The following APLF variants were observed in gnomAD, a reference collection of about 807,000 sequenced individuals.
The protein encoded by APLF is aprataxin and PNK-like factor.
Under a neutral mutation model 55.6 loss-of-function variants are expected in APLF, and 61 were observed. The observed-to-expected ratio is 1.10, with a 90% CI of 0.89 to 1.36. The LOEUF (loss-of-function observed/expected upper bound fraction) is 1.36, where lower values mean the gene tolerates loss of function less well. APLF is among the 40% of genes most tolerant of loss of function. The pLI is 0.00. For missense variants in APLF, 611 were observed against 602.5 expected, an observed-to-expected ratio of 1.01 and a Z score of -0.15; for synonymous variants, 207 against 214.8, an observed-to-expected ratio of 0.96 and a Z score of 0.32.
At chr2:68,508,731 A>G (rs1676951109) in intron 3 of APLF, among the ~76,000 whole-genome samples, 1 of 152,118 alleles carries the variant, frequency 6.6e-6, no homozygotes, top group South Asian at 2.1e-4. Context: ...TTTAAAGTTC[A>G]TATGGAAACA....
chr2:68,536,483 C>G (rs184160196), intron 6 of APLF, among the ~76,000 whole-genome samples: 5 of 152,190 alleles, frequency 3.3e-5, no homozygotes, highest in Non-Finnish European at 7.4e-5. Flanking sequence ...TGATGTGTAT[C>G]TGGTATGTTG....
chr2:68,566,734 A>G (rs998439084), intron 8 of APLF, among the ~76,000 whole-genome samples: 3 of 152,124 alleles, frequency 2.0e-5, no homozygotes, highest in Non-Finnish European at 4.4e-5. Flanking sequence ...TTAACTAACA[A>G]AATAATAGAA....
intron 1 of APLF, among the ~76,000 whole-genome samples, chr2:68,488,412 C>G (rs1343030527): frequency 6.7e-6 from 1 of 150,266 alleles, no homozygotes; most frequent in Non-Finnish European, 1.5e-5. Context: ...CTCATTGCAA[C>G]CTTGACCTCC....
intron 7 of APLF, among the ~76,000 whole-genome samples, chr2:68,543,922 A>G (rs1670624969): frequency 6.6e-6 from 1 of 152,104 alleles, no homozygotes; most frequent in African/African-American, 2.4e-5. Flanking sequence ...AGTATGATCC[A>G]GAGATCCCTG....
In APLF at chr2:68,521,086, G is replaced by GT. The variant is rs1239961847; in HGVS notation, c.623-4968dup. On this transcript the variant is annotated intron_variant, in intron 5 of 9. Transcript: ENST00000303795. ...TTTTTTGTTTTTGTTTTGTTTGTTT[G>GT]TTTTTTTGCAGCTATTGTAAAGGGT... Among the ~76,000 whole-genome samples, 4 of 151,184 alleles carry GT rather than the reference G, an allele frequency of 2.6e-5. No individual in the cohort carries two copies. The South Asian group carries it at 6.2e-4, about 24-fold the overall frequency.
intron 3 of APLF, among the ~76,000 whole-genome samples, chr2:68,503,764 A>C (rs961377371): frequency 6.6e-6 from 1 of 152,102 alleles, no homozygotes; most frequent in Non-Finnish European, 1.5e-5. Context: ...AGAAATCTGT[A>C]AAACCAGTGA....
chr2:68,553,615 G>GA (rs1257356981), intron 8 of APLF, among the ~76,000 whole-genome samples: 4 of 151,744 alleles, frequency 2.6e-5, no homozygotes, highest in African/African-American at 9.7e-5. Context: ...TGTAGCCACA[G>GA]AAAAAAATAT....
intron 8 of APLF, among the ~76,000 whole-genome samples, chr2:68,565,134 T>G (rs1244383294): frequency 6.6e-6 from 1 of 152,106 alleles, no homozygotes; most frequent in Non-Finnish European, 1.5e-5. Context: ...GGTTATCAGT[T>G]GAAACTCTTG....
intron 1 of APLF, among the ~76,000 whole-genome samples, chr2:68,478,450 T>C (rs1675848020): frequency 6.6e-6 from 1 of 152,206 alleles, no homozygotes; most frequent in Non-Finnish European, 1.5e-5. Flanking sequence ...TAGACTCTAA[T>C]ATGATTCAAG....
rs201287360 is a variant in APLF at position 68,538,001 on chromosome 2, A to G, written c.934A>G (p.Lys312Glu). 21 of 1,613,118 alleles carry G rather than the reference A, an allele frequency of 1.3e-5. No homozygotes were observed. In the Admixed American group the frequency reaches 2.2e-4, roughly 17 times the overall value. The part of the protein sequence containing the change: ...GKVSKHKIAT[K>E]RTPHKEDEAM... ...AGTTTCTAAACATAAAATTGCCACT[A>G]AAAGAACACCACATAAAGAAGATGA... The change falls in exon 7 of 10, where the codon AAA becomes GAA. Residue 312 changes from lysine to glutamate, a missense_variant. Lys to Glu is a moderately conservative substitution (Grantham distance 56, BLOSUM62 1). Transcript: ENST00000303795.
rs1180378463 is a variant in APLF at position 68,529,102 on chromosome 2, C to A, written c.804+2860C>A. 7.3e-7 allele frequency: 1 copy of A among 1,374,754 alleles called. No individual in the cohort carries two copies. The highest frequency in any genetic ancestry group is 1.4e-5 in the African/African-American group (1 of 69,892). 85.2% of individuals were successfully genotyped at this position (1,374,754 alleles called of 1,614,324 possible). A position where few individuals can be genotyped will look rare whatever the true frequency, so the allele number is the denominator to read the frequency against. On this transcript the variant is annotated intron_variant, in intron 6 of 9. Coordinates refer to ENST00000303795, the MANE Select transcript of APLF (RefSeq NM_173545.3). This position sits in a 1 kb window ranked among gnomAD's most constrained non-coding sequence, Gnocchi z 4.4. ...ACTTGCCTCTGAGACGAGGGATCCTCACGGGGCTGAGGTATCCAAACATCC... is the reference window on the plus strand; with the variant it reads ...ACTTGCCTCTGAGACGAGGGATCCTAACGGGGCTGAGGTATCCAAACATCC...
chr2:68,503,360 A>T (rs900725130), intron 3 of APLF, among the ~76,000 whole-genome samples: 1 of 152,176 alleles, frequency 6.6e-6, no homozygotes. Flanking sequence ...GAAATGAGGT[A>T]TTAGAATAAA....
chr2:68,577,930 G>T lies in APLF; in HGVS notation c.1444G>T (p.Asp482Tyr). ...EEEDYEPTDEDSDWEPGKEDE... is the reference protein window; with the variant it reads ...EEEDYEPTDEYSDWEPGKEDE... Reference sequence around the variant, plus strand: ...AGAAGACTATGAGCCAACAGATGAAGATTCTGACTGGGAACCAGGAAAGGA... The same window carrying T: ...AGAAGACTATGAGCCAACAGATGAATATTCTGACTGGGAACCAGGAAAGGA... Residue 482 changes from aspartate (D) to tyrosine (Y), a missense_variant, in exon 10 of 10, where the codon GAT becomes TAT. By Grantham distance (160) the Asp-to-Tyr change is radical (BLOSUM62 -3). Coordinates refer to ENST00000303795, the MANE Select transcript of APLF (RefSeq NM_173545.3). 6.2e-7 allele frequency: 1 copy of T among 1,613,612 alleles called. No individual in the cohort carries two copies. Among genetic ancestry groups the T allele is most frequent in the Non-Finnish European group, 8.5e-7 (1 of 1,179,718 alleles).
Position 68,526,077 on chromosome 2 carries a change from A to T in APLF, c.639A>T (p.Gly213=). Reference sequence around the variant, plus strand: ...GTGTTTAAGGTAATGTAATCCAGGGAAGTGGAAAAGAAGAAATCTGCAAAG... The same window carrying T: ...GTGTTTAAGGTAATGTAATCCAGGGTAGTGGAAAAGAAGAAATCTGCAAAG... ...PAISGGNVIQ[G]SGKEEICKDK... Residue 213 remains glycine (G), a synonymous_variant, in exon 6 of 10, where the codon GGA becomes GGT. Coordinates refer to ENST00000303795, the MANE Select transcript of APLF (RefSeq NM_173545.3). 1 of 1,612,780 alleles carries T rather than the reference A, an allele frequency of 6.2e-7. No homozygotes were observed. Among genetic ancestry groups the T allele is most frequent in the Non-Finnish European group, 8.5e-7 (1 of 1,179,686 alleles).
intron 2 of APLF, among the ~76,000 whole-genome samples, chr2:68,499,283 A>G (rs551774485): frequency 6.6e-6 from 1 of 152,336 alleles, no homozygotes; most frequent in South Asian, 2.1e-4. Flanking sequence ...TCATGTAGGT[A>G]GTTATATCTT....
At chr2:68,516,887 T>TG (rs1211933432) in intron 5 of APLF, among the ~76,000 whole-genome samples, 21 of 132,282 alleles carry the variant, frequency 1.6e-4, no homozygotes, top group South Asian at 4.3e-4. Flanking sequence ...ATGTTATATA[T>TG]AATATAATAA....
At chr2:68,532,554 A>G (rs1023529075) in intron 6 of APLF, among the ~76,000 whole-genome samples, 29 of 152,190 alleles carry the variant, frequency 1.9e-4, no homozygotes, top group Non-Finnish European at 4.1e-4. Flanking sequence ...TTGGCTTCAA[A>G]TGTAGGTATT....
intron 6 of APLF, among the ~76,000 whole-genome samples, chr2:68,534,490 A>G (rs186458709): frequency 7.9e-5 from 12 of 152,324 alleles, no homozygotes; most frequent in African/African-American, 2.2e-4. Context: ...CTTCTAGTAC[A>G]TAACACTCAG....
At chr2:68,519,696 GTTTC>G (rs1310040585) in intron 5 of APLF, among the ~76,000 whole-genome samples, 1 of 150,028 alleles carries the variant, frequency 6.7e-6, no homozygotes, top group Non-Finnish European at 1.5e-5. Context: ...ATATATATTA[GTTTC>G]TTTATCTACT....
Sources: allele counts gnomAD v4.1 joint callset (sites outside exome capture counted in the v4.1 genomes callset), GRCh38; gene constraint gnomAD v4.1.1; non-coding constraint Gnocchi (gnomAD v3.1); transcripts MANE v1.5; gene names NCBI Gene and HGNC (gene_info 2026-07-23, HGNC 2026-07-21).